Variants in PACS2 observed in about 807,000 individuals in gnomAD.
The protein encoded by PACS2 is PACS1-like protein.
PACS2 carries 36 observed loss-of-function variants against 113.0 expected under a neutral mutation model. That is an observed-to-expected ratio of 0.32 (90% CI 0.24 to 0.42). The LOEUF is 0.42. Ranked by LOEUF, PACS2 falls within the 10% of genes least tolerant of loss-of-function variation. PACS2 has a pLI of 1.00. For missense variants in PACS2, 1,015 were observed against 1,239.5 expected, an observed-to-expected ratio of 0.82 and a Z score of 2.72; for synonymous variants, 589 against 536.1, an observed-to-expected ratio of 1.10 and a Z score of -1.36.
At position 105,396,454 on chromosome 14, in the gene PACS2, C is replaced by G. The variant is rs1450854561; in HGVS notation, c.*1782C>G. The G allele has an allele frequency of 1.3e-5, 2 of 151,922 alleles. No individual in the cohort carries two copies. The highest frequency in any genetic ancestry group is 2.9e-5 in the Non-Finnish European group (2 of 68,190). 9.4% of individuals were successfully genotyped at this position (151,922 alleles called of 1,614,324 possible). On this transcript the variant is annotated 3_prime_UTR_variant, in exon 25 of 25. Coordinates refer to ENST00000447393, the MANE Select transcript of PACS2 (RefSeq NM_001100913.3). ...ACTGACTCGTTCAGCTGCCCCCAAG[C>G]TGGGCTGCAGAGCATCTGTTTTTCT...
In PACS2 at chr14:105,340,823, G is replaced by A. The variant is rs782598203; in HGVS notation, c.120-7670G>A. ...TGGCTTGGCTTCTGCCCCTGGGTCCGTGGTGGCTGCCTGGGACCTGCCCTT... is the reference window on the plus strand; with the variant it reads ...TGGCTTGGCTTCTGCCCCTGGGTCCATGGTGGCTGCCTGGGACCTGCCCTT... On this transcript the variant is annotated intron_variant, in intron 1 of 24. Coordinates refer to ENST00000447393, the MANE Select transcript of PACS2 (RefSeq NM_001100913.3). The surrounding 1 kb of genome is among the most constrained non-coding windows in gnomAD (Gnocchi z 4.2). Among the ~76,000 whole-genome samples, 3 of 152,256 alleles carry A rather than the reference G, an allele frequency of 2.0e-5. No homozygotes were observed. Among genetic ancestry groups the A allele is most frequent in the African/African-American group, 4.8e-5 (2 of 41,468 alleles).
chr14:105,380,116 A>G lies in PACS2; in HGVS notation c.1087A>G (p.Arg363Gly), dbSNP rs1555411554. Residue 363 changes from arginine to glycine, a missense_variant, in exon 11 of 25, where the codon AGG becomes GGG. Coordinates refer to ENST00000447393, the MANE Select transcript of PACS2 (RefSeq NM_001100913.3). ...CGAGAAGACGCGGTCCCTGGGAGGC[A>G]GGCAGCCGAGCGACAGTGTCTCTGA... ...VPEKTRSLGGRQPSDSVSDTV... is the reference protein window; with the variant it reads ...VPEKTRSLGGGQPSDSVSDTV... 1.3e-6 allele frequency: 2 copies of G among 1,552,954 alleles called. No individual in the cohort carries two copies.
chr14:105,325,202 G>A (rs927544907), intron 1 of PACS2, among the ~76,000 whole-genome samples: 3 of 151,192 alleles, frequency 2.0e-5, no homozygotes, highest in Non-Finnish European at 4.4e-5. Flanking sequence ...GTTGTGGAGG[G>A]GTCAGTGCTG....
rs782414099 is a variant in PACS2 at position 105,352,482 on chromosome 14, A to C, written c.297+15A>C. On this transcript the variant is annotated intron_variant, in intron 3 of 24. Coordinates refer to ENST00000447393, the MANE Select transcript of PACS2 (RefSeq NM_001100913.3). ...TCTCCTTGCAGGTGAGTCTTTCACC[A>C]GTGGTGACGACACCCTCATCACTGT... 1.3e-6 allele frequency: 2 copies of C among 1,531,028 alleles called. No homozygotes were observed. The highest frequency in any genetic ancestry group is 1.8e-6 in the Non-Finnish European group (2 of 1,105,428). The allele number at this position is 1,531,028 out of a possible 1,614,324, so 94.8% of individuals were successfully genotyped here.
chr14:105,390,266 C>T, intron 20 of PACS2: 1 of 519,894 alleles, frequency 1.9e-6, no homozygotes, highest in Non-Finnish European at 3.5e-6. Flanking sequence ...TGGGGCGAGG[C>T]CTCAGAACAC....
Position 105,365,519 on chromosome 14 carries a change from A to G in PACS2, c.424-1694A>G, listed in dbSNP as rs1461799180. 3.3e-5 allele frequency among the ~76,000 whole-genome samples: 5 copies of G among 152,174 alleles called. No individual in the cohort carries two copies. On this transcript the variant is annotated intron_variant, in intron 4 of 24. Coordinates refer to ENST00000447393, the MANE Select transcript of PACS2 (RefSeq NM_001100913.3). The surrounding 1 kb of genome is among the most constrained non-coding windows in gnomAD (Gnocchi z 5.1). ...GATCCCGGCAAAAGCATCTTTGATA[A>G]GAGGCCCCATTCCTTCCTGCCCTCC...
At chr14:105,300,837 G>T (rs185057150) in exon 1 of PACS2, 1 of 187,146 alleles carries the variant, frequency 5.3e-6, no homozygotes, top group Non-Finnish European at 1.1e-5. Flanking sequence ...GGATGGGACA[G>T]GCACCGGGAC....
At chr14:105,345,413 A>T (rs587721440) in intron 1 of PACS2, among the ~76,000 whole-genome samples, 13 of 152,348 alleles carry the variant, frequency 8.5e-5, no homozygotes, top group Non-Finnish European at 1.5e-4. Context: ...TCTTGAGAAA[A>T]AAAAAAATGG....
At chr14:105,367,493 A>AC in intron 5 of PACS2, 118 bp downstream of exon 5, 4 of 982,682 alleles carry the variant, frequency 4.1e-6, no homozygotes, top group Non-Finnish European at 6.3e-6. Context: ...GGTCCGGAGC[A>AC]CGTGTCAGTT....
chr14:105,333,802 G>A (rs1300468527), intron 1 of PACS2, among the ~76,000 whole-genome samples: 1 of 152,228 alleles, frequency 6.6e-6, no homozygotes, highest in Non-Finnish European at 1.5e-5. Flanking sequence ...GTGGCCCATG[G>A]CAGGGCTGCC....
intron 1 of PACS2, among the ~76,000 whole-genome samples, chr14:105,346,377 G>T (rs1276156731): frequency 6.6e-6 from 1 of 151,974 alleles, no homozygotes. Context: ...CACACAGCCC[G>T]GTTGGTGACT....
chr14:105,329,572 T>G lies in PACS2; in HGVS notation c.119+14535T>G, dbSNP rs190767386. Among the ~76,000 whole-genome samples, 36 of 152,188 alleles carry G rather than the reference T, an allele frequency of 2.4e-4. No homozygotes were observed. In the East Asian group the frequency reaches 6.8e-3, roughly 29 times the overall value. On this transcript the variant is annotated intron_variant, in intron 1 of 24. Transcript: ENST00000447393. This position sits in a 1 kb window ranked among gnomAD's most constrained non-coding sequence, Gnocchi z 6.4. ...TGGGGGGCTGTGGTCCTGGGCACCC[T>G]CTGGAGAGACCGCTCTGGTGTCAGC...
At position 105,352,366 on chromosome 14, in the gene PACS2, G is replaced by A. The variant is rs371621919; in HGVS notation, c.208-12G>A. On this transcript the variant is annotated splice_polypyrimidine_tract_variant and intron_variant, in intron 2 of 24. Transcript: ENST00000447393. ...AGTCCTTTGAGCTAGAACAGGTCTT[G>A]CTTAATCACAGGGCTCCAAACGAAT... The A allele has an allele frequency of 1.2e-4, 186 of 1,588,882 alleles. 2 individuals are homozygous for A. In the South Asian group the frequency reaches 1.7e-3, roughly 15 times the overall value.
At chr14:105,335,592 G>T (rs2059485337) in intron 1 of PACS2, among the ~76,000 whole-genome samples, 2 of 152,322 alleles carry the variant, frequency 1.3e-5, no homozygotes, top group South Asian at 4.2e-4. Context: ...CCCCTCACTG[G>T]GCCCAGGCAT....
intron 8 of PACS2, 106 bp downstream of exon 8, chr14:105,370,006 C>T: frequency 2.1e-6 from 2 of 963,954 alleles, no homozygotes; most frequent in South Asian, 3.0e-5. Flanking sequence ...TTCTGCCGCT[C>T]ACCGTCTGCA....
chr14:105,383,170 A>T (rs2081052292), intron 15 of PACS2, 189 bp from the exon 16 acceptor site: 2 of 701,440 alleles, frequency 2.9e-6, no homozygotes. Flanking sequence ...TGAGGCCATG[A>T]CTGTGTGGTC....
chr14:105,392,614 C>T lies in PACS2; in HGVS notation c.2256-5C>T. On this transcript the variant is annotated splice_polypyrimidine_tract_variant and splice_region_variant and intron_variant, in intron 22 of 24. Transcript: ENST00000447393. The stretch of plus-strand genomic sequence containing the variant: ...GGTGTGAATGCCTCCCTCTGCCTTT[C>T]CCAGCCAGGGTGTCGGCGCCGAGCT... The T allele has an allele frequency of 6.3e-7, 1 of 1,598,772 alleles. No homozygotes were observed. Among genetic ancestry groups the T allele is most frequent in the African/African-American group, 1.3e-5 (1 of 74,668 alleles).
chr14:105,384,753 C>A, intron 17 of PACS2, 126 bp from the exon 18 acceptor site: 1 of 681,416 alleles, frequency 1.5e-6, no homozygotes, highest in South Asian at 1.7e-5. Context: ...TCAGCTGCAA[C>A]CAGCGAGCCC....
chr14:105,313,908 C>T (rs1307230459), upstream of PACS2, among the ~76,000 whole-genome samples: 3 of 152,272 alleles, frequency 2.0e-5, no homozygotes, highest in African/African-American at 7.2e-5. Flanking sequence ...TAGCCATTGC[C>T]TCCTCTTTGC....
Sources: gnomAD v4.1 joint callset for allele counts (sites outside exome capture counted in the v4.1 genomes callset) on GRCh38, gnomAD v4.1.1 for gene constraint, Gnocchi (gnomAD v3.1) non-coding constraint, MANE v1.5 for transcripts, NCBI Gene and HGNC (gene_info 2026-07-23, HGNC 2026-07-21) for gene names.